The following KCNJ3 variants were observed in gnomAD, a reference collection of about 807,000 sequenced individuals.
KCNJ3 encodes the protein G protein-activated inward rectifier potassium channel 1.
Under a neutral mutation model 39.2 loss-of-function variants are expected in KCNJ3, and 4 were observed. The observed-to-expected ratio is 0.10, with a 90% CI of 0.05 to 0.23. The LOEUF (loss-of-function observed/expected upper bound fraction) is 0.23. Ranked by LOEUF, KCNJ3 falls within the 10% of genes least tolerant of loss-of-function variation. The pLI, the probability that KCNJ3 is intolerant of heterozygous loss-of-function variation, is 1.00. For synonymous variants in KCNJ3, 230 were observed against 237.4 expected, an observed-to-expected ratio of 0.97 and a Z score of 0.29; for missense variants, 276 against 634.9, an observed-to-expected ratio of 0.43 and a Z score of 6.08.
intron 2 of KCNJ3, among the ~76,000 whole-genome samples, chr2:154,733,153 A>G (rs1047040800): frequency 6.6e-6 from 1 of 152,150 alleles, no homozygotes; most frequent in Non-Finnish European, 1.5e-5. Flanking sequence ...TATCACTGGC[A>G]GATTCTATTT....
intron 2 of KCNJ3, among the ~76,000 whole-genome samples, chr2:154,753,215 C>G (rs1992702): frequency 0.54 from 82,015 of 151,806 alleles, 22,673 homozygotes; most frequent in East Asian, 0.87. Flanking sequence ...TGATATGACA[C>G]TCCCCTGTTA....
At position 154,823,796 on chromosome 2, in the gene KCNJ3, T is replaced by G. The variant is rs532905097; in HGVS notation, c.920-30931T>G. On this transcript the variant is annotated intron_variant, in intron 2 of 2. Coordinates refer to ENST00000295101, the MANE Select transcript of KCNJ3 (RefSeq NM_002239.4). ...ATTGCTTTTTTGTAAGGTGTTTATA[T>G]TTTTGTCTTCTATAGAAGACTGTGA... Among the ~76,000 whole-genome samples, 77 of 152,268 alleles carry G rather than the reference T, an allele frequency of 5.1e-4. 2 individuals are homozygous for G. The highest frequency in any genetic ancestry group is 1.8e-3 in the African/African-American group (76 of 41,562).
chr2:154,758,054 G>A (rs717244), intron 2 of KCNJ3, among the ~76,000 whole-genome samples: 70,808 of 151,966 alleles, frequency 0.47, 16,868 homozygotes, highest in Non-Finnish European at 0.51. Flanking sequence ...AAATTTATTG[G>A]ACATAATTTC....
At chr2:154,734,109 A>C (rs2105169382) in intron 2 of KCNJ3, among the ~76,000 whole-genome samples, 1 of 152,322 alleles carries the variant, frequency 6.6e-6, no homozygotes, top group Non-Finnish European at 1.5e-5. Context: ...AATTTCCTTA[A>C]TTTCAAAATA....
chr2:154,843,908 A>AGTTT (rs1252446366), intron 2 of KCNJ3, among the ~76,000 whole-genome samples: 2 of 152,124 alleles, frequency 1.3e-5, no homozygotes, highest in Non-Finnish European at 2.9e-5. Context: ...AGCTCAGAGA[A>AGTTT]GTTTGTTATT....
chr2:154,712,443 G>A (rs1261470104), intron 2 of KCNJ3, among the ~76,000 whole-genome samples: 2 of 152,064 alleles, frequency 1.3e-5, no homozygotes, highest in African/African-American at 4.8e-5. Context: ...TCACTACTTT[G>A]TGAATAAAGT....
chr2:154,821,635 A>AGTTTTTT (rs1687181722), intron 2 of KCNJ3, among the ~76,000 whole-genome samples: 1 of 88,072 alleles, frequency 1.1e-5, no homozygotes, highest in Non-Finnish European at 2.1e-5. Flanking sequence ...AGAATATGTG[A>AGTTTTTT]TTTTTTTTTT....
chr2:154,736,374 TAAAAAAAAAAAAA>T (rs70983745), intron 2 of KCNJ3, among the ~76,000 whole-genome samples: 19 of 93,236 alleles, frequency 2.0e-4, no homozygotes, highest in African/African-American at 5.5e-4. Flanking sequence ...TCACTAGTTC[TAAAAAAAAAAAAA>T]AAAAAAAAAA....
intron 2 of KCNJ3, among the ~76,000 whole-genome samples, chr2:154,834,473 T>G (rs775584160): frequency 2.0e-5 from 3 of 152,186 alleles, no homozygotes; most frequent in Non-Finnish European, 4.4e-5. Flanking sequence ...GGCTAACACC[T>G]GTAATCCCAG....
intron 2 of KCNJ3, among the ~76,000 whole-genome samples, chr2:154,791,505 G>C (rs1039358774): frequency 1.3e-5 from 2 of 152,026 alleles, no homozygotes; most frequent in Non-Finnish European, 2.9e-5. Context: ...AGTTCACACA[G>C]TTAGTGGATG....
intron 2 of KCNJ3, among the ~76,000 whole-genome samples, chr2:154,756,365 G>A (rs1685936215): frequency 6.6e-6 from 1 of 152,004 alleles, no homozygotes; most frequent in South Asian, 2.1e-4. Flanking sequence ...ATATCCTCCA[G>A]CCTAATTGTG....
At chr2:154,802,420 T>C (rs1686835217) in intron 2 of KCNJ3, among the ~76,000 whole-genome samples, 2 of 152,172 alleles carry the variant, frequency 1.3e-5, no homozygotes, top group Admixed American at 1.3e-4. Context: ...ATCTCACATG[T>C]AGTTCATTTC....
At chr2:154,825,541 A>ATTAT (rs141631387) in intron 2 of KCNJ3, among the ~76,000 whole-genome samples, 13,500 of 144,072 alleles carry the variant, frequency 0.094, 746 homozygotes, top group African/African-American at 0.14. Context: ...AACTCATGAA[A>ATTAT]TTATTTATTT....
At chr2:154,701,154 A>G (rs1684890487) in intron 1 of KCNJ3, among the ~76,000 whole-genome samples, 1 of 152,142 alleles carries the variant, frequency 6.6e-6, no homozygotes, top group Non-Finnish European at 1.5e-5. Flanking sequence ...AGACCACAAT[A>G]TAGCACCTGC....
At chr2:154,736,097 T>C (rs1685524193) in intron 2 of KCNJ3, among the ~76,000 whole-genome samples, 1 of 152,100 alleles carries the variant, frequency 6.6e-6, no homozygotes, top group Non-Finnish European at 1.5e-5. Flanking sequence ...AAACTTGCAA[T>C]GTCTTCTTAA....
intron 2 of KCNJ3, among the ~76,000 whole-genome samples, chr2:154,753,283 A>G (rs1294252049): frequency 6.6e-6 from 1 of 152,148 alleles, no homozygotes; most frequent in Non-Finnish European, 1.5e-5. Flanking sequence ...AGTAATGTTT[A>G]TTAATAGAAA....
chr2:154,716,111 T>G (rs1685174794), intron 2 of KCNJ3, among the ~76,000 whole-genome samples: 1 of 151,686 alleles, frequency 6.6e-6, no homozygotes, highest in African/African-American at 2.4e-5. Flanking sequence ...ATTATTATTA[T>G]TTTGAGATGG....
chr2:154,712,492 A>G (rs1256877026), intron 2 of KCNJ3, among the ~76,000 whole-genome samples: 1 of 152,208 alleles, frequency 6.6e-6, no homozygotes, highest in Non-Finnish European at 1.5e-5. Context: ...ACATTAAAAA[A>G]CAGCTTTTCA....
intron 2 of KCNJ3, among the ~76,000 whole-genome samples, chr2:154,838,098 TTG>T (rs1004429296): frequency 2.6e-5 from 4 of 152,062 alleles, no homozygotes; most frequent in Non-Finnish European, 5.9e-5. Context: ...GAATGCATGT[TTG>T]TGTGTGTGAC....
Sources: gnomAD v4.1 joint callset for allele counts (sites outside exome capture counted in the v4.1 genomes callset) on GRCh38, gnomAD v4.1.1 for gene constraint, MANE v1.5 for transcripts, NCBI Gene and HGNC (gene_info 2026-07-23, HGNC 2026-07-21) for gene names.